Variants in CACNB2 observed in about 807,000 individuals in gnomAD.
CACNB2 encodes voltage-dependent L-type calcium channel subunit beta-2.
In CACNB2, 42 loss-of-function variants were observed where a neutral mutation model predicts 73.3. The ratio of observed to expected loss-of-function variants is 0.57; its 90% CI spans 0.45 to 0.74. The LOEUF (loss-of-function observed/expected upper bound fraction) is 0.74. Ranked by LOEUF, CACNB2 falls within the 30% of genes least tolerant of loss-of-function variation. The pLI is 0.00. For missense variants in CACNB2, 940 were observed against 853.0 expected (o/e 1.10, Z -1.27); for synonymous variants, 348 against 310.3 (o/e 1.12, Z -1.28).
intron 3 of CACNB2, among the ~76,000 whole-genome samples, chr10:18,472,221 CTTTTTTTTTTTTTTTTTTTTT>C (rs200348808): frequency 8.4e-6 from 1 of 119,390 alleles, no homozygotes; most frequent in Non-Finnish European, 1.7e-5. Flanking sequence ...CACTTTTCTT[CTTTTTTTTTTTTTTTTTTTTT>C]TTTTTTTTTT....
intron 2 of CACNB2, among the ~76,000 whole-genome samples, chr10:18,241,375 G>A (rs578230339): frequency 6.6e-6 from 1 of 152,254 alleles, no homozygotes; most frequent in South Asian, 2.1e-4. Flanking sequence ...TTTTGACTTT[G>A]TTCCATTAAA....
intron 2 of CACNB2, among the ~76,000 whole-genome samples, chr10:18,291,038 C>G (rs1363257761): frequency 2.0e-5 from 3 of 152,212 alleles, no homozygotes; most frequent in African/African-American, 7.2e-5. Context: ...AGGATACCAG[C>G]CTTTCATGGA....
chr10:18,240,649 C>T (rs2036613672), intron 2 of CACNB2, among the ~76,000 whole-genome samples: 1 of 152,156 alleles, frequency 6.6e-6, no homozygotes, highest in Admixed American at 6.5e-5. Flanking sequence ...CAGCAAAAGC[C>T]ATTTCTGTCT....
At chr10:18,526,035 A>G (rs1166958026) in intron 9 of CACNB2, among the ~76,000 whole-genome samples, 1 of 152,170 alleles carries the variant, frequency 6.6e-6, no homozygotes, top group African/African-American at 2.4e-5. Context: ...ATGCCTGACA[A>G]ACTGTCCTGT....
At chr10:18,326,121 C>A (rs2040582190) in intron 2 of CACNB2, among the ~76,000 whole-genome samples, 1 of 151,944 alleles carries the variant, frequency 6.6e-6, no homozygotes, top group African/African-American at 2.4e-5. Flanking sequence ...CAAGATAAAT[C>A]ATTAACAGAA....
At chr10:18,183,730 G>A (rs2034006150) in intron 2 of CACNB2, among the ~76,000 whole-genome samples, 2 of 152,184 alleles carry the variant, frequency 1.3e-5, no homozygotes, top group Admixed American at 6.5e-5. Flanking sequence ...TTTGGGTAGG[G>A]ACAAAGCCAA....
chr10:18,510,189 G>C (rs778801388), intron 6 of CACNB2, among the ~76,000 whole-genome samples: 1 of 152,156 alleles, frequency 6.6e-6, no homozygotes, highest in Non-Finnish European at 1.5e-5. Context: ...TTCTCAATTT[G>C]GGATATCCAG....
At chr10:18,185,119 C>T (rs951071734) in intron 2 of CACNB2, among the ~76,000 whole-genome samples, 2 of 152,070 alleles carry the variant, frequency 1.3e-5, no homozygotes, top group Non-Finnish European at 2.9e-5. Context: ...GGGATTATAG[C>T]GTGAGCCACC....
intron 7 of CACNB2, among the ~76,000 whole-genome samples, chr10:18,517,261 T>C (rs1048359949): frequency 3.3e-5 from 5 of 152,226 alleles, no homozygotes; most frequent in Non-Finnish European, 7.3e-5. Context: ...TATCGCAGTG[T>C]CTAAGGCCAT....
At chr10:18,141,277 C>T in intron 1 of CACNB2, 1 of 1,349,324 alleles carries the variant, frequency 7.4e-7, no homozygotes, top group Non-Finnish European at 1.0e-6. Flanking sequence ...TGCCGACTCT[C>T]CTGGCCACGC....
At chr10:18,237,876 C>T (rs2036508052) in intron 2 of CACNB2, among the ~76,000 whole-genome samples, 1 of 152,162 alleles carries the variant, frequency 6.6e-6, no homozygotes, top group South Asian at 2.1e-4. Context: ...CAGGAATTAG[C>T]CCAGACAGGG....
At chr10:18,211,067 A>G (rs1269692439) in intron 2 of CACNB2, among the ~76,000 whole-genome samples, 1 of 152,226 alleles carries the variant, frequency 6.6e-6, no homozygotes, top group African/African-American at 2.4e-5. Context: ...AGCTTTGCTC[A>G]TGGGAAGACC....
chr10:18,378,155 C>A (rs2042876712), intron 2 of CACNB2, among the ~76,000 whole-genome samples: 1 of 152,074 alleles, frequency 6.6e-6, no homozygotes, highest in African/African-American at 2.4e-5. Context: ...GGACACGCAA[C>A]TGATAATTAT....
chr10:18,253,259 T>G (rs1564378540), intron 2 of CACNB2, among the ~76,000 whole-genome samples: 1 of 152,156 alleles, frequency 6.6e-6, no homozygotes, highest in Non-Finnish European at 1.5e-5. Flanking sequence ...TTGCAAACAG[T>G]CCATTTTTTA....
At chr10:18,225,583 TC>T in intron 2 of CACNB2, among the ~76,000 whole-genome samples, 1 of 11,662 alleles carries the variant, frequency 8.6e-5, no homozygotes, top group Non-Finnish European at 2.8e-4. Context: ...CCTCGCTCCT[TC>T]CTTCCTTCCT....
rs566632302 is a variant in CACNB2 at position 18,535,452 on chromosome 10, G to A, written c.1207-649G>A. 2.3e-4 allele frequency among the ~76,000 whole-genome samples: 35 copies of A among 152,164 alleles called. 1 individual carries two copies. Among genetic ancestry groups the A allele is most frequent in the African/African-American group, 8.2e-4 (34 of 41,536 alleles). ...AAGCCAGCCAGCCAGCCATTAGAGAGATGTGTAAAAATGTAGCTATTTTTA... is the reference window on the plus strand; with the variant it reads ...AAGCCAGCCAGCCAGCCATTAGAGAAATGTGTAAAAATGTAGCTATTTTTA... On this transcript the variant is annotated intron_variant, in intron 11 of 13. Transcript: ENST00000324631.
chr10:18,229,082 C>T (rs995807599), intron 2 of CACNB2, among the ~76,000 whole-genome samples: 4 of 152,158 alleles, frequency 2.6e-5, no homozygotes, highest in African/African-American at 9.7e-5. Context: ...AGCATTGTTA[C>T]AGCAAATATA....
chr10:18,164,316 T>G (rs2032689359), intron 2 of CACNB2, among the ~76,000 whole-genome samples: 1 of 152,114 alleles, frequency 6.6e-6, no homozygotes, highest in Non-Finnish European at 1.5e-5. Flanking sequence ...GCAGAAGTGG[T>G]CATTAGTGGT....
intron 3 of CACNB2, among the ~76,000 whole-genome samples, chr10:18,440,055 G>A (rs2132930601): frequency 6.6e-6 from 1 of 152,314 alleles, no homozygotes; most frequent in Non-Finnish European, 1.5e-5. Context: ...AGAAGTCTAA[G>A]ATCAAGGCAC....
Sources: allele counts gnomAD v4.1 joint callset (sites outside exome capture counted in the v4.1 genomes callset), GRCh38; gene constraint gnomAD v4.1.1; transcripts MANE v1.5; gene names NCBI Gene and HGNC (gene_info 2026-07-23, HGNC 2026-07-21).